The following ANKHD1 variants were observed in gnomAD, a reference collection of about 807,000 sequenced individuals.
ANKHD1 encodes the protein ankyrin repeat and KH domain containing 1.
A neutral mutation model predicts 230.5 loss-of-function variants in ANKHD1; 31 were observed. The ratio of observed to expected loss-of-function variants is 0.13; its 90% CI spans 0.10 to 0.18. ANKHD1 has a LOEUF of 0.18. Ranked by LOEUF, ANKHD1 falls within the 10% of genes least tolerant of loss-of-function variation. The probability of loss-of-function intolerance (pLI) is 1.00; values close to 1 mark genes in which losing one functional copy is unlikely to be tolerated. For missense variants in ANKHD1, 2,256 were observed against 3,071.3 expected (o/e 0.73, Z 6.27); for synonymous variants, 1,074 against 1,117.6 (o/e 0.96, Z 0.78).
At position 140,507,889 on chromosome 5, in the gene ANKHD1, A is replaced by G; in HGVS notation, c.3656A>G (p.Gln1219Arg). The change falls in exon 20 of 34, where the codon CAA becomes CGA. Residue 1219 changes from glutamine to arginine, a missense_variant. Physicochemically the swap from Gln to Arg is conservative, Grantham distance 43. Transcript: ENST00000360839. This position sits in a 1 kb window ranked among gnomAD's most constrained non-coding sequence, Gnocchi z 4.1. ...GATATGGGTTCAGACATTAATGCCC[A>G]AATAGAGACCAATCGGAACACGGCT... ...LLDMGSDINA[Q>R]IETNRNTALT... 1 of 1,614,162 alleles carries G rather than the reference A, an allele frequency of 6.2e-7. No homozygotes were observed. Among genetic ancestry groups the G allele is most frequent in the Non-Finnish European group, 8.5e-7 (1 of 1,180,036 alleles).
chr5:140,485,710 C>T lies in ANKHD1; in HGVS notation c.2120C>T (p.Pro707Leu). ...ACCACAGATGTGTCTCAGCTCCCTC[C>T]ACCTTCTCAAGATCAGTCTCAGGTA... ...VPTTDVSQLPPPSQDQSQVPR... is the reference protein window; with the variant it reads ...VPTTDVSQLPLPSQDQSQVPR... The change falls in exon 13 of 34, where the codon CCA (proline) becomes CTA (leucine). Residue 707 changes from proline (P) to leucine (L), a missense_variant. Around this residue, in one of 13 missense-constraint regions of ANKHD1, gnomAD observed 358 missense variants for 397.7 expected, o/e 0.90. Transcript: ENST00000360839. This position sits in a 1 kb window ranked among gnomAD's most constrained non-coding sequence, Gnocchi z 4.8. 2 of 1,614,034 alleles carry T rather than the reference C, an allele frequency of 1.2e-6. No individual in the cohort carries two copies. Among genetic ancestry groups the T allele is most frequent in the Non-Finnish European group, 1.7e-6 (2 of 1,179,974 alleles).
rs762762806 is a variant in ANKHD1, at chr5:140,525,989, A to T, written c.4493-7A>T. 6.4e-7 allele frequency: 1 copy of T among 1,557,996 alleles called. No individual in the cohort carries two copies. The highest frequency in any genetic ancestry group is 2.2e-5 in the East Asian group (1 of 44,506). ...AGTATGATTTTTATTCTTTTTAACA[A>T]TTTCAGTGGAGCAAGAAGTTCCCAT... On this transcript the variant is annotated splice_region_variant and splice_polypyrimidine_tract_variant and intron_variant, in intron 25 of 33. Transcript: ENST00000360839.
chr5:140,416,971 T>C (rs887590899), intron 1 of ANKHD1, among the ~76,000 whole-genome samples: 3 of 151,962 alleles, frequency 2.0e-5, no homozygotes, highest in Admixed American at 2.0e-4. Context: ...GTAATTGTTT[T>C]ATTATAATAA....
rs1752553794 is a variant in ANKHD1 at position 140,506,747 on chromosome 5, G to A, written c.3409-88G>A. ...AAATATCAGATATTTAGATAAGGAA[G>A]TTATAAGTCCTGTTTCTTTGTGTTT... is the stretch of plus-strand genomic sequence containing the variant. On this transcript the variant is annotated intron_variant, in intron 18 of 33. Coordinates refer to ENST00000360839, the MANE Select transcript of ANKHD1 (RefSeq NM_017747.3). This position sits in a 1 kb window ranked among gnomAD's most constrained non-coding sequence, Gnocchi z 4.7. 1 of 1,553,558 alleles carries A rather than the reference G, an allele frequency of 6.4e-7. No homozygotes were observed. Among genetic ancestry groups the A allele is most frequent in the South Asian group, 1.2e-5 (1 of 81,736 alleles).
At chr5:140,439,603 G>A (rs1167356351) in intron 3 of ANKHD1, among the ~76,000 whole-genome samples, 1 of 152,150 alleles carries the variant, frequency 6.6e-6, no homozygotes, top group Non-Finnish European at 1.5e-5. Context: ...CTGGGAGGTG[G>A]AGGTTGCAGT....
rs748484581 is a variant in ANKHD1, at chr5:140,528,702, C to T, written c.5756C>T (p.Thr1919Ile). 11 of 1,614,180 alleles carry T rather than the reference C, an allele frequency of 6.8e-6. No homozygotes were observed. Among genetic ancestry groups the T allele is most frequent in the Non-Finnish European group, 9.3e-6 (11 of 1,180,036 alleles). Reference protein sequence around the residue: ...NTSRLPNQNGTVLPSESAGLA... With the variant: ...NTSRLPNQNGIVLPSESAGLA... ...AGCCGTCTACCTAACCAGAACGGGA[C>T]TGTTTTACCCTCAGAGTCTGCTGGA... Residue 1919 changes from threonine to isoleucine, a missense_variant, in exon 29 of 34, where the codon ACT becomes ATT. Physicochemically the swap from Thr to Ile is moderately conservative, Grantham distance 89. Coordinates refer to ENST00000360839, the MANE Select transcript of ANKHD1 (RefSeq NM_017747.3).
chr5:140,408,537 A>C (rs1194763977), intron 1 of ANKHD1, among the ~76,000 whole-genome samples: 1 of 152,198 alleles, frequency 6.6e-6, no homozygotes, highest in Non-Finnish European at 1.5e-5. Flanking sequence ...CAAGCTTTGT[A>C]GGGATTCCTT....
intron 22 of ANKHD1, among the ~76,000 whole-genome samples, chr5:140,510,849 G>A (rs957792726): frequency 1.3e-5 from 2 of 151,656 alleles, no homozygotes; most frequent in African/African-American, 4.8e-5. Flanking sequence ...GTATGAAACG[G>A]TCTCAGTCTG....
intron 1 of ANKHD1, among the ~76,000 whole-genome samples, chr5:140,402,635 CAG>C (rs978227458): frequency 2.0e-5 from 3 of 152,220 alleles, no homozygotes; most frequent in Non-Finnish European, 4.4e-5. Context: ...CAAACAGAGA[CAG>C]AGACAGAGCT....
chr5:140,427,403 C>T lies in ANKHD1; in HGVS notation c.307-8701C>T, dbSNP rs867802178. ...CCCCCCCACCTCCCTCCCCGACGGG[C>T]GGCTGGCCGGGCGGGGGGCTGACCC... is the stretch of plus-strand genomic sequence containing the variant. On this transcript the variant is annotated intron_variant, in intron 1 of 33. Coordinates refer to ENST00000360839, the MANE Select transcript of ANKHD1 (RefSeq NM_017747.3). 8.9e-3 allele frequency among the ~76,000 whole-genome samples: 596 copies of T among 66,802 alleles called. 35 individuals carry two copies. The highest frequency in any genetic ancestry group is 0.034 in the African/African-American group (570 of 16,986). 43.8% of individuals were successfully genotyped at this position (66,802 alleles called of 152,430 possible).
At chr5:140,448,785 G>A (rs1045615757) in intron 6 of ANKHD1, among the ~76,000 whole-genome samples, 2 of 152,122 alleles carry the variant, frequency 1.3e-5, no homozygotes, top group Non-Finnish European at 2.9e-5. Context: ...AAGAGGATTG[G>A]AATTATTTTA....
Position 140,464,739 on chromosome 5 carries a change from A to G in ANKHD1, c.1745A>G (p.Asp582Gly), listed in dbSNP as rs1345855944. 1.2e-6 allele frequency: 2 copies of G among 1,608,300 alleles called. No homozygotes were observed. Among genetic ancestry groups the G allele is most frequent in the Non-Finnish European group, 1.7e-6 (2 of 1,175,816 alleles). Residue 582 changes from aspartate (D) to glycine (G), a missense_variant, in exon 10 of 34, where the codon GAT becomes GGT. This residue lies in a region of ANKHD1 where 179 missense variants were observed against 261.8 expected (regional missense o/e 0.68). Transcript: ENST00000360839. ...LTYACENGHT[D>G]VADVLLQAGA... ...TATGCTTGTGAAAATGGACATACGG[A>G]TGTTGCAGATGTTTTACTTCAAGCA... is the stretch of plus-strand genomic sequence containing the variant.
At chr5:140,408,732 G>A (rs1269870897) in intron 1 of ANKHD1, among the ~76,000 whole-genome samples, 2 of 151,884 alleles carry the variant, frequency 1.3e-5, no homozygotes, top group African/African-American at 4.8e-5. Flanking sequence ...TGGGGGTCTC[G>A]CTTTTTTGCC....
At chr5:140,473,215 A>C (rs1750764044) in intron 10 of ANKHD1, among the ~76,000 whole-genome samples, 1 of 151,704 alleles carries the variant, frequency 6.6e-6, no homozygotes, top group African/African-American at 2.4e-5. Flanking sequence ...TCTTTAGTAG[A>C]GACGGGGTTT....
In ANKHD1 at chr5:140,401,873, A is replaced by T; in HGVS notation, c.-95A>T. On this transcript the variant is annotated 5_prime_UTR_variant, in exon 1 of 34. Coordinates refer to ENST00000360839, the MANE Select transcript of ANKHD1 (RefSeq NM_017747.3). ...GCGCTGCTGGGACGGGGGAAAGGAGACGCTTCTTCCTCTTGCTGCTCTTCT... is the reference window on the plus strand; with the variant it reads ...GCGCTGCTGGGACGGGGGAAAGGAGTCGCTTCTTCCTCTTGCTGCTCTTCT... 1.4e-6 allele frequency: 2 copies of T among 1,449,304 alleles called. No homozygotes were observed. Among genetic ancestry groups the T allele is most frequent in the Non-Finnish European group, 9.0e-7 (1 of 1,106,384 alleles). 89.8% of individuals were successfully genotyped at this position (1,449,304 alleles called of 1,614,324 possible).
intron 10 of ANKHD1, among the ~76,000 whole-genome samples, chr5:140,468,049 A>ATT (rs1561768844): frequency 1.1e-5 from 1 of 92,792 alleles, no homozygotes; most frequent in African/African-American, 4.7e-5. Context: ...AAGTGTACTA[A>ATT]TTCTTTTTTT....
intron 22 of ANKHD1, among the ~76,000 whole-genome samples, chr5:140,512,567 C>T (rs1244692847): frequency 6.6e-6 from 1 of 152,128 alleles, no homozygotes; most frequent in African/African-American, 2.4e-5. Flanking sequence ...GTTGTCTAGT[C>T]CACCATCCAT....
At chr5:140,499,094 A>T (rs1459517032) in intron 15 of ANKHD1, among the ~76,000 whole-genome samples, 26 of 152,104 alleles carry the variant, frequency 1.7e-4, no homozygotes, top group Admixed American at 1.6e-3. Flanking sequence ...TTAAATTTTA[A>T]ATCAGCCAAC....
At chr5:140,537,748 C>A in intron 31 of ANKHD1, 159 bp downstream of exon 31, 1 of 1,204,020 alleles carries the variant, frequency 8.3e-7, no homozygotes. Flanking sequence ...GAGTTCAGTC[C>A]AATTTCAGAG....
Sources: gnomAD v4.1 joint callset for allele counts (sites outside exome capture counted in the v4.1 genomes callset) on GRCh38, gnomAD v4.1.1 for gene constraint, gnomAD v4.1.1 regional missense constraint, Gnocchi (gnomAD v3.1) non-coding constraint, MANE v1.5 for transcripts, NCBI Gene and HGNC (gene_info 2026-07-23, HGNC 2026-07-21) for gene names.